The following CEP112 variants were observed in gnomAD, a reference collection of about 807,000 sequenced individuals.
CEP112 encodes centrosomal protein 112, also known as centrosomal protein of 112 kDa.
Under a neutral mutation model 153.0 loss-of-function variants are expected in CEP112, and 127 were observed. The observed-to-expected ratio is 0.83, with a 90% confidence interval of 0.72 to 0.96. The LOEUF (loss-of-function observed/expected upper bound fraction) is 0.96. Ranked by LOEUF, CEP112 falls within the 40% of genes least tolerant of loss-of-function variation. CEP112 has a pLI of 0.00. For missense variants in CEP112, 1,089 were observed against 1,101.2 expected, an observed-to-expected ratio of 0.99 and a Z score of 0.16; for synonymous variants, 358 against 374.4, an observed-to-expected ratio of 0.96 and a Z score of 0.51.
chr17:65,716,596 T>C (rs1030708066), intron 23 of CEP112, among the ~76,000 whole-genome samples: 6 of 152,176 alleles, frequency 3.9e-5, no homozygotes, highest in South Asian at 4.1e-4. Context: ...ATTTAACCTT[T>C]ATGTGTCTGA....
intron 6 of CEP112, among the ~76,000 whole-genome samples, chr17:66,105,716 T>A (rs986157785): frequency 1.3e-5 from 2 of 151,942 alleles, no homozygotes; most frequent in Non-Finnish European, 2.9e-5. Context: ...ATGGTTTGAA[T>A]CCAGGAGTCA....
chr17:66,070,955 T>G (rs1389116269), intron 8 of CEP112, among the ~76,000 whole-genome samples: 1 of 152,144 alleles, frequency 6.6e-6, no homozygotes, highest in East Asian at 1.9e-4. Flanking sequence ...GTGAAAATCA[T>G]ATTCAATAAA....
At chr17:65,693,751 C>A (rs232132) in intron 23 of CEP112, among the ~76,000 whole-genome samples, 16,560 of 152,090 alleles carry the variant, frequency 0.11, 1,060 homozygotes, top group Admixed American at 0.2. Flanking sequence ...AGACACTATC[C>A]GTGCCCCCTC....
In CEP112 at chr17:65,837,897, G is replaced by A. The variant is rs189760945; in HGVS notation, c.2394+13907C>T. Reference sequence around the variant, plus strand: ...ATAGATGCTTGAAGGCAGCATACTCGTTAAGAGTCATCACCACTCCCTAAT... The same window carrying A: ...ATAGATGCTTGAAGGCAGCATACTCATTAAGAGTCATCACCACTCCCTAAT... On this transcript the variant is annotated intron_variant, in intron 21 of 26. Transcript: ENST00000535342. Among the ~76,000 whole-genome samples, 12 of 152,156 alleles carry A rather than the reference G, an allele frequency of 7.9e-5. No homozygotes were observed. The East Asian group carries it at 1.5e-3, about 20-fold the overall frequency.
intron 19 of CEP112, among the ~76,000 whole-genome samples, chr17:65,922,009 T>A (rs2060748218): frequency 6.6e-6 from 1 of 152,178 alleles, no homozygotes; most frequent in Non-Finnish European, 1.5e-5. Flanking sequence ...AGATTAAGGA[T>A]AATTGGGTCA....
Position 66,043,090 on chromosome 17 carries a change from A to T in CEP112, c.1218+10646T>A, listed in dbSNP as rs888156706. The T allele has an allele frequency of 1.0e-5, 10 of 980,674 alleles. No individual in the cohort carries two copies. The African/African-American group carries it at 1.6e-4, about 15-fold the overall frequency. 60.7% of individuals were successfully genotyped at this position (980,674 alleles called of 1,614,324 possible). A position where few individuals can be genotyped will look rare whatever the true frequency, so the allele number is the denominator to read the frequency against. Reference sequence around the variant, plus strand: ...GCACTCTTTAAGGTAAAGGATCTTAACCTACCTTAACCTACCATAGAGGAT... The same window carrying T: ...GCACTCTTTAAGGTAAAGGATCTTATCCTACCTTAACCTACCATAGAGGAT... On this transcript the variant is annotated intron_variant, in intron 12 of 26. Transcript: ENST00000535342.
chr17:65,649,080 ACACACACACACACAC>A (rs2045603984), intron 24 of CEP112, among the ~76,000 whole-genome samples: 2 of 97,168 alleles, frequency 2.1e-5, no homozygotes, highest in African/African-American at 6.3e-5. Flanking sequence ...ACAAACACAC[ACACACACACACACAC>A]ACACACACAC....
chr17:66,038,110 A>AAAAAAAAAAAAG (rs71293591), intron 12 of CEP112, among the ~76,000 whole-genome samples: 43,767 of 115,494 alleles, frequency 0.38, 8,454 homozygotes, highest in Non-Finnish European at 0.44. Flanking sequence ...CAAAAAAAAA[A>AAAAAAAAAAAAG]AAAAGAAAAG....
intron 16 of CEP112, among the ~76,000 whole-genome samples, chr17:66,010,998 C>G (rs562644499): frequency 6.6e-6 from 1 of 152,168 alleles, no homozygotes; most frequent in South Asian, 2.1e-4. Context: ...GGAGTCCCTC[C>G]TCCTCAATTT....
intron 4 of CEP112, among the ~76,000 whole-genome samples, chr17:66,146,043 T>C (rs1009123762): frequency 1.3e-5 from 2 of 152,106 alleles, no homozygotes; most frequent in African/African-American, 4.8e-5. Flanking sequence ...TTAAAATCTA[T>C]GTTAATAAGG....
chr17:66,154,060 T>A (rs2071325346), intron 4 of CEP112, among the ~76,000 whole-genome samples: 2 of 150,924 alleles, frequency 1.3e-5, no homozygotes, highest in South Asian at 4.2e-4. Flanking sequence ...ATGCCTGTAG[T>A]CCCACCTATT....
intron 8 of CEP112, among the ~76,000 whole-genome samples, chr17:66,081,872 G>A (rs761121165): frequency 1.3e-5 from 2 of 152,050 alleles, no homozygotes; most frequent in African/African-American, 2.4e-5. Context: ...CCGAGATTGC[G>A]CCACTGCATT....
chr17:65,838,039 A>G (rs1045103618), intron 21 of CEP112, among the ~76,000 whole-genome samples: 1 of 152,038 alleles, frequency 6.6e-6, no homozygotes, highest in Non-Finnish European at 1.5e-5. Flanking sequence ...TTGTCCTATG[A>G]CCCTGCCAAA....
At chr17:65,884,891 T>G (rs2059220602) in intron 20 of CEP112, among the ~76,000 whole-genome samples, 1 of 151,962 alleles carries the variant, frequency 6.6e-6, no homozygotes, top group Non-Finnish European at 1.5e-5. Context: ...TAATTTTGTA[T>G]TTTTAGTAGA....
At chr17:65,644,256 T>C (rs2045310192) in intron 24 of CEP112, 1 of 612,376 alleles carries the variant, frequency 1.6e-6, no homozygotes. Flanking sequence ...TACATCCTTA[T>C]CTGTTTAGAA....
chr17:65,925,144 C>T lies in CEP112; in HGVS notation c.1980+2438G>A, dbSNP rs1160638424. Among the ~76,000 whole-genome samples, 7 of 152,268 alleles carry T rather than the reference C, an allele frequency of 4.6e-5. No individual in the cohort carries two copies. The East Asian group carries it at 7.7e-4, about 17-fold the overall frequency. ...TTAAATCATGGGGGCAGCTTCCCCC[C>T]GTACTATACTCATGGTAGTAAATAA... On this transcript the variant is annotated intron_variant, in intron 19 of 26. Coordinates refer to ENST00000535342, the MANE Select transcript of CEP112 (RefSeq NM_001199165.4).
At chr17:65,971,590 T>C (rs865945391) in intron 17 of CEP112, among the ~76,000 whole-genome samples, 83 of 150,834 alleles carry the variant, frequency 5.5e-4, no homozygotes, top group African/African-American at 2.0e-3. Context: ...GTATATTACA[T>C]GCATGCATAT....
intron 24 of CEP112, among the ~76,000 whole-genome samples, chr17:65,685,725 T>G (rs897834505): frequency 2.9e-5 from 4 of 139,990 alleles, no homozygotes; most frequent in Admixed American, 8.1e-5. Flanking sequence ...CAGGCTGGAG[T>G]GCAATGGCAC....
At chr17:65,682,168 AT>A (rs1281059138) in intron 24 of CEP112, among the ~76,000 whole-genome samples, 1 of 148,844 alleles carries the variant, frequency 6.7e-6, no homozygotes, top group Non-Finnish European at 1.5e-5. Context: ...TAATTTTTGT[AT>A]TTTTAGTAGA....
Sources: gnomAD v4.1 joint callset for allele counts (sites outside exome capture counted in the v4.1 genomes callset) on GRCh38, gnomAD v4.1.1 for gene constraint, MANE v1.5 for transcripts, NCBI Gene and HGNC (gene_info 2026-07-23, HGNC 2026-07-21) for gene names.